Variants in SFXN5 observed in about 807,000 individuals in gnomAD.
The protein encoded by SFXN5 is sideroflexin 5.
In SFXN5, 43 loss-of-function variants were observed where a neutral mutation model predicts 50.2. That is an observed-to-expected ratio of 0.86 (90% CI 0.67 to 1.11). SFXN5 has a LOEUF of 1.11. Among genes scored for constraint, SFXN5 ranks in the 50% least tolerant of loss-of-function variants. SFXN5 has a pLI of 0.00. For synonymous variants in SFXN5, 203 were observed against 185.8 expected, an observed-to-expected ratio of 1.09 and a Z score of -0.75; for missense variants, 463 against 454.1, an observed-to-expected ratio of 1.02 and a Z score of -0.18.
chr2:73,030,388 T>G (rs1482148552), intron 3 of SFXN5, among the ~76,000 whole-genome samples: 1 of 152,180 alleles, frequency 6.6e-6, no homozygotes, highest in East Asian at 1.9e-4. Flanking sequence ...TTTGTTGTTG[T>G]TGTTGTAGAA....
rs1672772224 is a variant in SFXN5, at chr2:72,992,909, G to GA, written c.535-4562dup. On this transcript the variant is annotated intron_variant, in intron 9 of 13. Coordinates refer to ENST00000272433, the MANE Select transcript of SFXN5 (RefSeq NM_144579.3). The surrounding 1 kb of genome is among the most constrained non-coding windows in gnomAD (Gnocchi z 4.5). ...GCAAGGCTCTGGCTACCTGTATGAG[G>GA]AGGTGCCGTGAGGGAGTGGGCCCAA... Among the ~76,000 whole-genome samples, 2 of 152,222 alleles carry GA rather than the reference G, an allele frequency of 1.3e-5. No homozygotes were observed. The highest frequency in any genetic ancestry group is 2.9e-5 in the Non-Finnish European group (2 of 68,048).
At chr2:72,997,596 T>TTTA (rs1559136081) in intron 9 of SFXN5, 19 of 151,186 alleles carry the variant, frequency 1.3e-4, no homozygotes, top group African/African-American at 4.4e-4. Flanking sequence ...TTATTTATTT[T>TTTA]TTTTTTTTCT....
At chr2:73,060,860 C>T (rs950643312) in intron 1 of SFXN5, among the ~76,000 whole-genome samples, 1 of 151,930 alleles carries the variant, frequency 6.6e-6, no homozygotes, top group Non-Finnish European at 1.5e-5. Flanking sequence ...ACACCACGCC[C>T]GGCTTATTTT....
In SFXN5 at chr2:72,954,550, C is replaced by T. The variant is rs369503058; in HGVS notation, c.945+6581G>A. On this transcript the variant is annotated intron_variant, in intron 13 of 13. Coordinates refer to ENST00000272433, the MANE Select transcript of SFXN5 (RefSeq NM_144579.3). ...CTGAGGCAGGGAAGAGACACACGCT[C>T]ATAGCCGCCAGCCCCTACAAGGGCG... 1.9e-3 allele frequency among the ~76,000 whole-genome samples: 285 copies of T among 152,278 alleles called. 2 individuals are homozygous for T. The highest frequency in any genetic ancestry group is 6.6e-3 in the African/African-American group (273 of 41,564).
intron 3 of SFXN5, among the ~76,000 whole-genome samples, chr2:73,035,545 G>A (rs778780576): frequency 6.5e-4 from 95 of 145,254 alleles, no homozygotes; most frequent in South Asian, 2.6e-3. Flanking sequence ...TGTCACCCAG[G>A]CTGGAGTGCA....
chr2:72,974,566 T>TA lies in SFXN5; in HGVS notation c.626-2882dup, dbSNP rs916737879. Among the ~76,000 whole-genome samples, 14 of 152,194 alleles carry TA rather than the reference T, an allele frequency of 9.2e-5. 1 individual carries two copies. Among genetic ancestry groups the TA allele is most frequent in the African/African-American group, 3.4e-4 (14 of 41,444 alleles). ...CTCCTCCCTTGAAACCGGCAATTCT[T>TA]ACAGCCTACACAGATGGCACATGAC... On this transcript the variant is annotated intron_variant, in intron 10 of 13. Coordinates refer to ENST00000272433, the MANE Select transcript of SFXN5 (RefSeq NM_144579.3).
At position 73,017,089 on chromosome 2, in the gene SFXN5, T is replaced by G. The variant is rs1345657993; in HGVS notation, c.357+3150A>C. ...AGTGAATGTATACTGCTGTCACATA[T>G]GATAAAGTCAAATAATTGTAAATTG... On this transcript the variant is annotated intron_variant, in intron 6 of 13. Coordinates refer to ENST00000272433, the MANE Select transcript of SFXN5 (RefSeq NM_144579.3). 3.9e-5 allele frequency among the ~76,000 whole-genome samples: 6 copies of G among 152,210 alleles called. No homozygotes were observed. The East Asian group carries it at 5.8e-4, about 15-fold the overall frequency.
At position 72,950,357 on chromosome 2, in the gene SFXN5, AC is replaced by A. The variant is rs374941306; in HGVS notation, c.946-5259del. ...GACTGCCTGGGGTCCACATTGTCCGACCCCCACCTCATGCTGATCCTGGTTC... is the reference window on the plus strand; with the variant it reads ...GACTGCCTGGGGTCCACATTGTCCGACCCCACCTCATGCTGATCCTGGTTC... On this transcript the variant is annotated intron_variant, in intron 13 of 13. Transcript: ENST00000272433. This position sits in a 1 kb window ranked among gnomAD's most constrained non-coding sequence, Gnocchi z 4.2. Among the ~76,000 whole-genome samples, 69 of 151,954 alleles carry A rather than the reference AC, an allele frequency of 4.5e-4. No homozygotes were observed. The highest frequency in any genetic ancestry group is 1.5e-3 in the African/African-American group (62 of 41,434).
At chr2:72,956,470 A>T (rs956235560) in intron 13 of SFXN5, among the ~76,000 whole-genome samples, 1 of 151,936 alleles carries the variant, frequency 6.6e-6, no homozygotes, top group Non-Finnish European at 1.5e-5. Context: ...ATAAATTAGT[A>T]GCAAGCAATT....
intron 3 of SFXN5, among the ~76,000 whole-genome samples, chr2:73,026,853 C>T (rs1222855279): frequency 3.9e-5 from 6 of 152,024 alleles, no homozygotes; most frequent in Admixed American, 1.3e-4. Flanking sequence ...CTCAGCCTCC[C>T]GAGTAGCTGG....
At chr2:73,032,585 C>T (rs975795531) in intron 3 of SFXN5, among the ~76,000 whole-genome samples, 3 of 152,066 alleles carry the variant, frequency 2.0e-5, no homozygotes, top group African/African-American at 7.2e-5. Flanking sequence ...AGGACACTCA[C>T]CAACTGGCCT....
At chr2:72,993,047 G>A (rs1266985687) in intron 9 of SFXN5, among the ~76,000 whole-genome samples, 1 of 152,192 alleles carries the variant, frequency 6.6e-6, no homozygotes, top group Admixed American at 6.5e-5. Context: ...GGTTGTCTGC[G>A]GGGTACTCAG....
Position 72,953,148 on chromosome 2 carries a change from C to A in SFXN5, c.945+7983G>T, listed in dbSNP as rs1420749715. Reference sequence around the variant, plus strand: ...TTGGGGTGGGGGTGTGGGGAACAGGCAAAATGACAGGTGGCGTTGGCGTTC... The same window carrying A: ...TTGGGGTGGGGGTGTGGGGAACAGGAAAAATGACAGGTGGCGTTGGCGTTC... On this transcript the variant is annotated intron_variant, in intron 13 of 13. Transcript: ENST00000272433. The surrounding 1 kb of genome is among the most constrained non-coding windows in gnomAD (Gnocchi z 4.1). 6.6e-6 allele frequency among the ~76,000 whole-genome samples: 1 copy of A among 152,092 alleles called. No homozygotes were observed. Among genetic ancestry groups the A allele is most frequent in the African/African-American group, 2.4e-5 (1 of 41,406 alleles).
intron 2 of SFXN5, chr2:73,049,427 A>G (rs1201676925): frequency 6.6e-6 from 1 of 152,206 alleles, no homozygotes; most frequent in Non-Finnish European, 1.5e-5. Flanking sequence ...AATTTTTGAA[A>G]AATTTTTTTA....
intron 2 of SFXN5, among the ~76,000 whole-genome samples, chr2:73,047,237 AAAAAAAAAAT>A (rs1680482527): frequency 3.5e-5 from 1 of 28,436 alleles, no homozygotes; most frequent in African/African-American, 8.7e-5. Flanking sequence ...AAAAAAAAAA[AAAAAAAAAAT>A]ATATATATAT....
intron 2 of SFXN5, among the ~76,000 whole-genome samples, chr2:73,047,281 C>CACATATAT (rs1175880051): frequency 1.7e-5 from 1 of 58,512 alleles, no homozygotes; most frequent in Non-Finnish European, 3.2e-5. Context: ...TATATACACA[C>CACATATAT]ATATATATAT....
intron 10 of SFXN5, among the ~76,000 whole-genome samples, chr2:72,976,819 C>A (rs1401861829): frequency 6.6e-6 from 1 of 152,192 alleles, no homozygotes; most frequent in African/African-American, 2.4e-5. Flanking sequence ...AGAAACACAG[C>A]ATTCAAGATC....
At position 73,030,709 on chromosome 2, in the gene SFXN5, A is replaced by G. The variant is rs149985518; in HGVS notation, c.250-7495T>C. On this transcript the variant is annotated intron_variant, in intron 3 of 13. Transcript: ENST00000272433. ...TTTCTGTCTCCACGACATTCACTAC[A>G]CTAGGTATCTCATACAAGTGGAATC... is the stretch of plus-strand genomic sequence containing the variant. 1.3e-3 allele frequency among the ~76,000 whole-genome samples: 194 copies of G among 152,190 alleles called. 1 individual carries two copies. The highest frequency in any genetic ancestry group is 4.2e-3 in the African/African-American group (176 of 41,516).
chr2:73,026,272 C>T (rs369260897), intron 3 of SFXN5, among the ~76,000 whole-genome samples: 2 of 151,640 alleles, frequency 1.3e-5, no homozygotes, highest in African/African-American at 2.4e-5. Context: ...GGATTACAGG[C>T]GTGCGCCACC....
Sources: allele counts gnomAD v4.1 joint callset (sites outside exome capture counted in the v4.1 genomes callset), GRCh38; gene constraint gnomAD v4.1.1; non-coding constraint Gnocchi (gnomAD v3.1); transcripts MANE v1.5; gene names NCBI Gene and HGNC (gene_info 2026-07-23, HGNC 2026-07-21).